LRRFIP2: variants seen among roughly 807,000 people sequenced by gnomAD.
The protein encoded by LRRFIP2 is LRR binding FLII interacting protein 2.
A neutral mutation model predicts 125.9 loss-of-function variants in LRRFIP2; 109 were observed. The observed-to-expected ratio is 0.87, with a 90% confidence interval of 0.74 to 1.01. LRRFIP2 has a LOEUF of 1.01. Among genes scored for constraint, LRRFIP2 ranks in the 50% least tolerant of loss-of-function variants. LRRFIP2 has a pLI of 0.00. For missense variants in LRRFIP2, 850 were observed against 862.3 expected, an observed-to-expected ratio of 0.99 and a Z score of 0.18; for synonymous variants, 291 against 293.1, an observed-to-expected ratio of 0.99 and a Z score of 0.07.
intron 27 of LRRFIP2, 29 bp from the exon 28 acceptor site, chr3:37,053,990 A>T: frequency 1.5e-6 from 2 of 1,304,512 alleles, no homozygotes; most frequent in Non-Finnish European, 2.2e-6. Flanking sequence ...CAGTCACTAC[A>T]TGTGGTCAGA....
chr3:37,074,350 G>C (rs1332014134), intron 20 of LRRFIP2, among the ~76,000 whole-genome samples: 1 of 152,176 alleles, frequency 6.6e-6, no homozygotes, highest in Non-Finnish European at 1.5e-5. Context: ...GCCACACCTA[G>C]ATAGTGGGCA....
intron 4 of LRRFIP2, among the ~76,000 whole-genome samples, chr3:37,126,145 C>T (rs1452766180): frequency 1.3e-5 from 2 of 152,170 alleles, no homozygotes; most frequent in African/African-American, 4.8e-5. Context: ...TCTCCTGCCT[C>T]AGCCTCCCTG....
intron 19 of LRRFIP2, among the ~76,000 whole-genome samples, chr3:37,077,301 T>C (rs1301294886): frequency 1.3e-5 from 2 of 152,196 alleles, no homozygotes; most frequent in Non-Finnish European, 2.9e-5. Context: ...AGGGAACTGG[T>C]AGAATAAAGT....
At chr3:37,091,411 A>C (rs1008758764) in intron 18 of LRRFIP2, 56 bp downstream of exon 18, 1 of 1,435,552 alleles carries the variant, frequency 7.0e-7, no homozygotes, top group Non-Finnish European at 9.5e-7. Flanking sequence ...CAAAGCCACC[A>C]TTGCCAACAC....
upstream of LRRFIP2, chr3:37,176,231 C>A (rs1007716415): frequency 6.6e-6 from 1 of 152,306 alleles, no homozygotes; most frequent in Admixed American, 6.5e-5. Flanking sequence ...CACTGGCAGC[C>A]GGCTAGTCGG....
chr3:37,053,864 A>G lies in LRRFIP2; in HGVS notation c.2153T>C (p.Leu718Pro), dbSNP rs1472514989. The change falls in exon 28 of 28, where the codon CTG becomes CCG. Residue 718 changes from leucine to proline, a missense_variant. Coordinates refer to ENST00000336686, the MANE Select transcript of LRRFIP2 (RefSeq NM_006309.4). ...AGGGTGGTTTTCCTACTGCTGGGCC[A>G]GAAGTGCTGTCCTATTGGCCTTCAT... ...EKMKANRTAL[L>P]AQQ The G allele has an allele frequency of 1.9e-6, 3 of 1,613,808 alleles. No homozygotes were observed. Among genetic ancestry groups the G allele is most frequent in the Non-Finnish European group, 1.7e-6 (2 of 1,179,652 alleles).
chr3:37,057,194 AGG>A (rs2148630818), intron 25 of LRRFIP2, among the ~76,000 whole-genome samples: 1 of 152,222 alleles, frequency 6.6e-6, no homozygotes, highest in Admixed American at 6.5e-5. Flanking sequence ...TACCTACTCT[AGG>A]AAGTATTCAC....
intron 8 of LRRFIP2, chr3:37,111,689 C>T (rs1490965148): frequency 2.0e-5 from 3 of 152,496 alleles, no homozygotes; most frequent in Admixed American, 2.0e-4. Flanking sequence ...CAATCTCTGA[C>T]TTAAAGACTC....
chr3:37,105,474 C>A lies in LRRFIP2; in HGVS notation c.764G>T (p.Arg255Leu), dbSNP rs776256882. The stretch of plus-strand genomic sequence containing the variant: ...GCTCACCACACTCTCCCTTCGTCCA[C>A]GACTGGCACGATCAGAAGACACAAT... ...ASIVSSDRAS[R>L]GRRESVVSAA... The change falls in exon 14 of 28, where the codon CGT (arginine) becomes CTT (leucine). Residue 255 changes from arginine (R) to leucine (L), a missense_variant. Coordinates refer to ENST00000336686, the MANE Select transcript of LRRFIP2 (RefSeq NM_006309.4). The A allele has an allele frequency of 6.2e-7, 1 of 1,613,916 alleles. No homozygotes were observed. Among genetic ancestry groups the A allele is most frequent in the South Asian group, 1.1e-5 (1 of 91,080 alleles).
intron 24 of LRRFIP2, among the ~76,000 whole-genome samples, chr3:37,061,604 G>A (rs1049369787): frequency 6.6e-6 from 1 of 151,870 alleles, no homozygotes; most frequent in East Asian, 2.0e-4. Flanking sequence ...TGTTGGCCAG[G>A]CTGGTCTCAA....
At position 37,075,126 on chromosome 3, in the gene LRRFIP2, A is replaced by G; in HGVS notation, c.1279-10T>C. 2 of 1,579,528 alleles carry G rather than the reference A, an allele frequency of 1.3e-6. No homozygotes were observed. The highest frequency in any genetic ancestry group is 1.7e-6 in the Non-Finnish European group (2 of 1,152,782). On this transcript the variant is annotated splice_polypyrimidine_tract_variant and intron_variant, in intron 19 of 27. Transcript: ENST00000336686. The stretch of plus-strand genomic sequence containing the variant: ...TCTGCCTTTCTAACTCCTGTTATTA[A>G]ACAAATAATATCATTTACACAGGTC...
At chr3:37,130,083 C>T (rs2095388985) in intron 2 of LRRFIP2, among the ~76,000 whole-genome samples, 1 of 152,196 alleles carries the variant, frequency 6.6e-6, no homozygotes, top group South Asian at 2.1e-4. Context: ...AACATTCTCA[C>T]ACCCCAAAAT....
At chr3:37,104,919 A>G (rs1269119781) in intron 14 of LRRFIP2, among the ~76,000 whole-genome samples, 1 of 151,662 alleles carries the variant, frequency 6.6e-6, no homozygotes. Flanking sequence ...ATCATAGCTC[A>G]CTGCAGCCTC....
At chr3:37,108,186 G>GTATTCTCATT in intron 12 of LRRFIP2, 57 bp from the exon 13 acceptor site, 4 of 1,366,162 alleles carry the variant, frequency 2.9e-6, no homozygotes, top group Non-Finnish European at 3.1e-6. Flanking sequence ...TTATTCTAAT[G>GTATTCTCATT]AGAATACATT....
chr3:37,094,647 T>G, intron 17 of LRRFIP2, 145 bp downstream of exon 17: 1 of 522,926 alleles, frequency 1.9e-6, no homozygotes, highest in Non-Finnish European at 3.4e-6. Context: ...CTGAAACACT[T>G]GAGTCACACT....
chr3:37,109,474 C>T (rs528135467), intron 11 of LRRFIP2, 53 bp downstream of exon 11: 1 of 1,586,966 alleles, frequency 6.3e-7, no homozygotes, highest in East Asian at 2.2e-5. Context: ...AGAGTTAGCA[C>T]CATGACATTG....
At chr3:37,150,806 C>T (rs927383066) in intron 1 of LRRFIP2, among the ~76,000 whole-genome samples, 1 of 152,212 alleles carries the variant, frequency 6.6e-6, no homozygotes, top group Non-Finnish European at 1.5e-5. Context: ...TCTGTCCTAA[C>T]ACAATTGGCT....
At chr3:37,129,984 C>T (rs192913534) in intron 2 of LRRFIP2, among the ~76,000 whole-genome samples, 9 of 152,210 alleles carry the variant, frequency 5.9e-5, no homozygotes, top group Non-Finnish European at 7.4e-5. Context: ...CAGAGTGAGA[C>T]GCTGTCTCAA....
At chr3:37,100,903 T>C (rs143418804) in intron 15 of LRRFIP2, among the ~76,000 whole-genome samples, 1,971 of 152,294 alleles carry the variant, frequency 0.013, 38 homozygotes, top group Non-Finnish European at 0.016. Context: ...TACTGTTGCA[T>C]AGCCAGATTT....
Sources: allele counts gnomAD v4.1 joint callset (sites outside exome capture counted in the v4.1 genomes callset), GRCh38; gene constraint gnomAD v4.1.1; transcripts MANE v1.5; gene names NCBI Gene and HGNC (gene_info 2026-07-23, HGNC 2026-07-21).